RBFOX1: variants seen among roughly 807,000 people sequenced by gnomAD.
The protein encoded by RBFOX1 is RNA binding fox-1 homolog 1.
A neutral mutation model predicts 57.7 loss-of-function variants in RBFOX1; 8 were observed. That is an observed-to-expected ratio of 0.14 (90% CI 0.08 to 0.25). The LOEUF (loss-of-function observed/expected upper bound fraction) is 0.25. Ranked by LOEUF, RBFOX1 falls within the 10% of genes least tolerant of loss-of-function variation. RBFOX1 has a pLI of 1.00. For missense variants in RBFOX1, 611 were observed against 548.5 expected, an observed-to-expected ratio of 1.11 and a Z score of -1.14; for synonymous variants, 326 against 222.4, an observed-to-expected ratio of 1.47 and a Z score of -4.15.
At chr16:6,499,718 T>A (rs1397817246) in intron 2 of RBFOX1, among the ~76,000 whole-genome samples, 1 of 152,118 alleles carries the variant, frequency 6.6e-6, no homozygotes, top group Non-Finnish European at 1.5e-5. Flanking sequence ...TCCCCCTGAT[T>A]TATTGTGCAA....
intron 2 of RBFOX1, among the ~76,000 whole-genome samples, chr16:6,598,088 G>C (rs2097795551): frequency 6.6e-6 from 1 of 152,332 alleles, no homozygotes; most frequent in African/African-American, 2.4e-5. Flanking sequence ...ACTTGTGGCA[G>C]AAGGCATCCT....
At chr16:6,665,296 C>A (rs866001742) in intron 3 of RBFOX1, among the ~76,000 whole-genome samples, 1 of 152,008 alleles carries the variant, frequency 6.6e-6, no homozygotes. Context: ...TGGGGTCCAG[C>A]TAAATGACTT....
intron 3 of RBFOX1, among the ~76,000 whole-genome samples, chr16:6,992,198 CTG>C (rs1487394428): frequency 2.7e-5 from 4 of 149,818 alleles, no homozygotes; most frequent in African/African-American, 9.8e-5. Flanking sequence ...GAGTCTCACT[CTG>C]TTGCACAGGC....
chr16:7,108,176 C>G (rs1475781088), intron 4 of RBFOX1, among the ~76,000 whole-genome samples: 1 of 152,166 alleles, frequency 6.6e-6, no homozygotes, highest in Non-Finnish European at 1.5e-5. Flanking sequence ...ACAATTTAAT[C>G]TCTGATGGTT....
chr16:6,442,368 C>T (rs1358416464), intron 2 of RBFOX1, among the ~76,000 whole-genome samples: 1 of 152,006 alleles, frequency 6.6e-6, no homozygotes, highest in East Asian at 1.9e-4. Context: ...CCATCCAGAC[C>T]AACATGGTGA....
intron 3 of RBFOX1, among the ~76,000 whole-genome samples, chr16:5,687,865 C>T (rs543765247): frequency 6.6e-6 from 1 of 152,298 alleles, no homozygotes; most frequent in South Asian, 2.1e-4. Flanking sequence ...TTGTGGTTGG[C>T]ATCCCCTGTG....
At chr16:7,485,312 A>T (rs368549417) in intron 4 of RBFOX1, among the ~76,000 whole-genome samples, 2 of 152,312 alleles carry the variant, frequency 1.3e-5, no homozygotes, top group South Asian at 2.1e-4. Context: ...GTGACTATTT[A>T]ATGCTTTGCC....
At chr16:6,183,989 G>A (rs898597511) in intron 1 of RBFOX1, among the ~76,000 whole-genome samples, 3 of 152,162 alleles carry the variant, frequency 2.0e-5, no homozygotes, top group East Asian at 3.9e-4. Context: ...TGGTTTAATG[G>A]ACTTCCAGTT....
chr16:6,706,732 G>C (rs2062814875), intron 3 of RBFOX1, among the ~76,000 whole-genome samples: 1 of 142,328 alleles, frequency 7.0e-6, no homozygotes, highest in African/African-American at 2.7e-5. Context: ...TTTTTTAATA[G>C]AGTGTGTGGC....
At chr16:5,432,559 G>GTTTTTTTTTTTTTTTTTTGTTTTTT (rs35344614) in intron 1 of RBFOX1, among the ~76,000 whole-genome samples, 4 of 94,218 alleles carry the variant, frequency 4.2e-5, no homozygotes, top group African/African-American at 1.6e-4. Flanking sequence ...TTGTTTGTTT[G>GTTTTTTTTTTTTTTTTTTGTTTTTT]TTTTTTTTTT....
chr16:7,394,327 G>A (rs932003407), intron 4 of RBFOX1, among the ~76,000 whole-genome samples: 3 of 148,908 alleles, frequency 2.0e-5, no homozygotes, highest in South Asian at 2.2e-4. Flanking sequence ...AGGGATTGCT[G>A]TATAAATAAT....
Position 6,509,623 on chromosome 16 carries a change from G to C in RBFOX1, c.-63-144980G>C, listed in dbSNP as rs534442148. On this transcript the variant is annotated intron_variant, in intron 2 of 15. Transcript: ENST00000550418. Reference sequence around the variant, plus strand: ...AACGAATAAGTCTTAGTGTTTGCTAGCAAAACAGGGTGACTGTAGTCAAAA... The same window carrying C: ...AACGAATAAGTCTTAGTGTTTGCTACCAAAACAGGGTGACTGTAGTCAAAA... Among the ~76,000 whole-genome samples the C allele has an allele frequency of 7.9e-5, 12 of 152,292 alleles. No homozygotes were observed. The East Asian group carries it at 2.3e-3, about 29-fold the overall frequency.
intron 4 of RBFOX1, among the ~76,000 whole-genome samples, chr16:7,487,550 C>G (rs1163285469): frequency 1.3e-5 from 2 of 152,170 alleles, no homozygotes; most frequent in Admixed American, 6.5e-5. Flanking sequence ...GAATGTCTTT[C>G]CATGTTTCAG....
At chr16:7,233,896 G>A (rs1028943923) in intron 4 of RBFOX1, among the ~76,000 whole-genome samples, 9 of 152,168 alleles carry the variant, frequency 5.9e-5, no homozygotes, top group African/African-American at 1.4e-4. Flanking sequence ...ACCACTCAAC[G>A]AGAGCTACTC....
At chr16:5,295,858 G>T (rs1596437005) in intron 1 of RBFOX1, among the ~76,000 whole-genome samples, 1 of 152,166 alleles carries the variant, frequency 6.6e-6, no homozygotes, top group East Asian at 1.9e-4. Context: ...GGTTGCCATA[G>T]TTTTCTCTAC....
At chr16:5,697,092 A>G (rs552653259) in intron 3 of RBFOX1, among the ~76,000 whole-genome samples, 2 of 152,070 alleles carry the variant, frequency 1.3e-5, no homozygotes, top group Non-Finnish European at 2.9e-5. Context: ...ATTTTGTACT[A>G]TGTGAAGGGG....
chr16:5,966,455 T>G (rs973421197), intron 4 of RBFOX1, among the ~76,000 whole-genome samples: 13 of 152,216 alleles, frequency 8.5e-5, no homozygotes, highest in African/African-American at 3.1e-4. Context: ...ACACACTTTT[T>G]TTTGGTTTTG....
intron 1 of RBFOX1, among the ~76,000 whole-genome samples, chr16:5,284,755 GATTTTTT>G (rs2063351171): frequency 3.5e-5 from 1 of 28,508 alleles, no homozygotes; most frequent in African/African-American, 1.4e-4. Flanking sequence ...TTTTGGCTTA[GATTTTTT>G]TTTTTTTTTT....
At chr16:6,552,161 A>G (rs998185697) in intron 2 of RBFOX1, among the ~76,000 whole-genome samples, 2 of 152,182 alleles carry the variant, frequency 1.3e-5, no homozygotes, top group Non-Finnish European at 2.9e-5. Flanking sequence ...ACATTTTTAA[A>G]AGTTGGAACA....
Sources: allele counts gnomAD v4.1 joint callset (sites outside exome capture counted in the v4.1 genomes callset), GRCh38; gene constraint gnomAD v4.1.1; transcripts MANE v1.5; gene names NCBI Gene and HGNC (gene_info 2026-07-23, HGNC 2026-07-21).